SLC17A5: variants seen among roughly 807,000 people sequenced by gnomAD.
SLC17A5 encodes sialin.
SLC17A5 carries 47 observed loss-of-function variants against 59.4 expected under a neutral mutation model. That is an observed-to-expected ratio of 0.79 (90% CI 0.63 to 1.01). The LOEUF (loss-of-function observed/expected upper bound fraction) is 1.01, where lower values mean the gene tolerates loss of function less well. Among genes scored for constraint, SLC17A5 ranks in the 50% least tolerant of loss-of-function variants. The pLI, the probability that SLC17A5 is intolerant of heterozygous loss-of-function variation, is 0.00. For synonymous variants in SLC17A5, 202 were observed against 210.7 expected (o/e 0.96, Z 0.36); for missense variants, 522 against 595.5 (o/e 0.88, Z 1.28).
At position 73,635,467 on chromosome 6, in the gene SLC17A5, A is replaced by T. The variant is rs1269128357; in HGVS notation, c.734T>A (p.Ile245Asn). ...TTGTGGTGTGTCACTAACTAACCAG[A>T]TCCACAAAAGAAACCAAAATATTCC... ...TIGIFWFLLW[I>N]WLVSDTPQKH... The change falls in exon 6 of 11, where the codon ATC (isoleucine) becomes AAC (asparagine). Residue 245 changes from isoleucine to asparagine, a missense_variant. Ile to Asn is a moderately radical substitution (Grantham distance 149). Coordinates refer to ENST00000355773, the MANE Select transcript of SLC17A5 (RefSeq NM_012434.5). 1 of 1,606,680 alleles carries T rather than the reference A, an allele frequency of 6.2e-7. No individual in the cohort carries two copies. The highest frequency in any genetic ancestry group is 1.7e-5 in the Admixed American group (1 of 59,836).
At chr6:73,633,676 C>T (rs905318122) in intron 6 of SLC17A5, among the ~76,000 whole-genome samples, 8 of 151,768 alleles carry the variant, frequency 5.3e-5, no homozygotes, top group Non-Finnish European at 7.4e-5. Context: ...GCCAGGAGTT[C>T]GAGACCAGCC....
intron 8 of SLC17A5, among the ~76,000 whole-genome samples, chr6:73,612,450 A>G (rs1261046381): frequency 6.6e-6 from 1 of 152,138 alleles, no homozygotes; most frequent in Non-Finnish European, 1.5e-5. Flanking sequence ...ACAGCCACCG[A>G]GCCCAGCCAG....
intron 8 of SLC17A5, among the ~76,000 whole-genome samples, chr6:73,610,893 C>T (rs1767613298): frequency 1.3e-5 from 2 of 152,282 alleles, no homozygotes; most frequent in South Asian, 2.1e-4. Context: ...GTTTAAAATA[C>T]ATATAACCAA....
At chr6:73,636,899 G>A (rs1769030077) in intron 4 of SLC17A5, among the ~76,000 whole-genome samples, 192 bp from the exon 5 acceptor site, 1 of 152,044 alleles carries the variant, frequency 6.6e-6, no homozygotes, top group Non-Finnish European at 1.5e-5. Flanking sequence ...TGGGCAATAT[G>A]GCAAACTCCT....
rs1309094054 is a variant in SLC17A5 at position 73,636,677 on chromosome 6, G to A, written c.644C>T (p.Pro215Leu). The A allele has an allele frequency of 1.9e-6, 3 of 1,611,824 alleles. No homozygotes were observed. In the East Asian group the frequency reaches 6.7e-5, roughly 36 times the overall value. The part of the protein sequence containing the change: ...GAQLGTVISL[P>L]LSGIICYYMN... ...ATAGTAGCAAATTATTCCAGAAAGA[G>A]GAAGAGAAATTACTGTCCCAAGCTG... The change falls in exon 5 of 11, where the codon CCT becomes CTT. Residue 215 changes from proline to leucine, a missense_variant. Physicochemically the swap from Pro to Leu is moderately conservative, Grantham distance 98 (BLOSUM62 -3). Coordinates refer to ENST00000355773, the MANE Select transcript of SLC17A5 (RefSeq NM_012434.5).
At chr6:73,651,460 C>CAAAAAAAAA (rs538079302) in intron 1 of SLC17A5, among the ~76,000 whole-genome samples, 357 of 29,874 alleles carry the variant, frequency 0.012, 8 homozygotes, top group Non-Finnish European at 0.021. Context: ...AACTCCGTCT[C>CAAAAAAAAA]AAAAAAAAAA....
In SLC17A5 at chr6:73,594,969, A is replaced by G. The variant is rs1419921265; in HGVS notation, c.*108T>C. The G allele has an allele frequency of 4.2e-6, 5 of 1,199,200 alleles. No individual in the cohort carries two copies. The highest frequency in any genetic ancestry group is 6.2e-6 in the Non-Finnish European group (5 of 812,092). The allele number at this position is 1,199,200 out of a possible 1,614,324, so 74.3% of individuals were successfully genotyped here. On this transcript the variant is annotated 3_prime_UTR_variant, in exon 11 of 11. Coordinates refer to ENST00000355773, the MANE Select transcript of SLC17A5 (RefSeq NM_012434.5). ...TTATAGGCCTTAAAAATCTAATACAAGTACAATTAAAAAAAGACATAGAAT... is the reference window on the plus strand; with the variant it reads ...TTATAGGCCTTAAAAATCTAATACAGGTACAATTAAAAAAAGACATAGAAT...
At chr6:73,627,889 TG>T (rs1202172316) in intron 6 of SLC17A5, among the ~76,000 whole-genome samples, 1 of 151,082 alleles carries the variant, frequency 6.6e-6, no homozygotes, top group Non-Finnish European at 1.5e-5. Flanking sequence ...TCAAAAGTGC[TG>T]GGATTACAGG....
Position 73,610,556 on chromosome 6 carries a change from A to T in SLC17A5, c.1112-9T>A, listed in dbSNP as rs1250589498. On this transcript the variant is annotated splice_polypyrimidine_tract_variant and intron_variant, in intron 8 of 10. Transcript: ENST00000355773. ...TGCAGGTCCAATCATTCCTGGAGTTAAAAAGTTATAAAAGGGAAAAAACAC... is the reference window on the plus strand; with the variant it reads ...TGCAGGTCCAATCATTCCTGGAGTTTAAAAGTTATAAAAGGGAAAAAACAC... The T allele has an allele frequency of 1.2e-6, 2 of 1,613,802 alleles. No individual in the cohort carries two copies. The highest frequency in any genetic ancestry group is 3.3e-5 in the Admixed American group (2 of 60,016).
intron 1 of SLC17A5, chr6:73,653,519 C>G: frequency 9.3e-6 from 9 of 970,614 alleles, no homozygotes; most frequent in Non-Finnish European, 1.1e-5. Context: ...CGCCCCCGCC[C>G]CCGCCCCCGC....
chr6:73,652,101 G>A (rs1769900663), intron 1 of SLC17A5, among the ~76,000 whole-genome samples: 1 of 152,040 alleles, frequency 6.6e-6, no homozygotes, highest in Non-Finnish European at 1.5e-5. Flanking sequence ...AGCAAAAACA[G>A]TATGTTACTA....
At chr6:73,618,438 C>T (rs1767978142) in intron 7 of SLC17A5, 3 of 365,392 alleles carry the variant, frequency 8.2e-6, no homozygotes, top group Non-Finnish European at 1.5e-5. Context: ...ATTCCTACTT[C>T]ATGGATGTGA....
chr6:73,635,363 A>T lies in SLC17A5; in HGVS notation c.819+19T>A. ...AAAAAGTTTCTGACATTATTTTTAA[A>T]ATGTGTCAAAGTCCATACCTGATTT... On this transcript the variant is annotated intron_variant, in intron 6 of 10. Transcript: ENST00000355773. 7.6e-7 allele frequency: 1 copy of T among 1,319,712 alleles called. No individual in the cohort carries two copies. The highest frequency in any genetic ancestry group is 1.8e-5 in the Admixed American group (1 of 56,162). The allele number at this position is 1,319,712 out of a possible 1,614,324, so 81.8% of individuals were successfully genotyped here.
chr6:73,594,725 T>C lies in SLC17A5; in HGVS notation c.*352A>G. The C allele has an allele frequency of 3.3e-6, 1 of 302,864 alleles. No homozygotes were observed. The highest frequency in any genetic ancestry group is 6.3e-6 in the Non-Finnish European group (1 of 158,220). 18.8% of individuals were successfully genotyped at this position (302,864 alleles called of 1,614,324 possible). On this transcript the variant is annotated 3_prime_UTR_variant, in exon 11 of 11. Coordinates refer to ENST00000355773, the MANE Select transcript of SLC17A5 (RefSeq NM_012434.5). ...ACAACAACAGGTGTTTATCAGTACC[T>C]GAGAATTATCATCTAGTTTAATTAA...
At chr6:73,598,195 T>A (rs531272323) in intron 10 of SLC17A5, among the ~76,000 whole-genome samples, 1 of 152,240 alleles carries the variant, frequency 6.6e-6, no homozygotes, top group African/African-American at 2.4e-5. Context: ...GTTTGTTTTT[T>A]AACAAAAATT....
chr6:73,597,743 G>A (rs435132), intron 10 of SLC17A5, among the ~76,000 whole-genome samples: 59,399 of 151,714 alleles, frequency 0.39, 12,040 homozygotes, highest in African/African-American at 0.48. Flanking sequence ...CCATGATTGC[G>A]CCACTGCACT....
chr6:73,630,474 C>T (rs984781656), intron 6 of SLC17A5, among the ~76,000 whole-genome samples: 3 of 152,154 alleles, frequency 2.0e-5, no homozygotes, highest in East Asian at 1.9e-4. Context: ...AGATCTCCTT[C>T]GACATGACTG....
intron 6 of SLC17A5, among the ~76,000 whole-genome samples, chr6:73,627,592 A>G (rs1021901687): frequency 6.6e-6 from 1 of 151,874 alleles, no homozygotes; most frequent in African/African-American, 2.4e-5. Flanking sequence ...TGGCTTCATC[A>G]TATCTAATTG....
chr6:73,638,617 G>T (rs1037229393), intron 3 of SLC17A5, 118 bp from the exon 4 acceptor site: 15 of 804,066 alleles, frequency 1.9e-5, no homozygotes, highest in Non-Finnish European at 2.9e-5. Flanking sequence ...AACGAATCAG[G>T]TTCCATGAAA....
Sources: allele counts gnomAD v4.1 joint callset (sites outside exome capture counted in the v4.1 genomes callset), GRCh38; gene constraint gnomAD v4.1.1; transcripts MANE v1.5; gene names NCBI Gene and HGNC (gene_info 2026-07-23, HGNC 2026-07-21).